The following ASTE1 variants were observed in gnomAD, a reference collection of about 807,000 sequenced individuals.
ASTE1 encodes asteroid structure-specific endonuclease 1.
In ASTE1, 49 loss-of-function variants were observed where a neutral mutation model predicts 45.8. The observed-to-expected ratio is 1.07, with a 90% CI of 0.85 to 1.36. ASTE1 has a LOEUF of 1.36. Among genes scored for constraint, ASTE1 ranks in the 40% most tolerant of loss-of-function variants. The pLI, the probability that ASTE1 is intolerant of heterozygous loss-of-function variation, is 0.00. For missense variants in ASTE1, 709 were observed against 804.0 expected (o/e 0.88, Z 1.43); for synonymous variants, 296 against 303.9 (o/e 0.97, Z 0.27).
In ASTE1 at chr3:131,016,424, TAAAG is replaced by T. The variant is rs1316142080; in HGVS notation, c.1514-89_1514-86del. Reference sequence around the variant, plus strand: ...TTCTCCACATATACTACAAATTCTATAAAGAAAGAAATTAATTTAAAAAAACTAA... The same window carrying T: ...TTCTCCACATATACTACAAATTCTATAAAGAAATTAATTTAAAAAAACTAA... On this transcript the variant is annotated intron_variant, in intron 4 of 5. Coordinates refer to ENST00000264992, the MANE Select transcript of ASTE1 (RefSeq NM_014065.4). The T allele has an allele frequency of 1.2e-5, 17 of 1,421,934 alleles. No individual in the cohort carries two copies. In the South Asian group the frequency reaches 1.6e-4, roughly 13 times the overall value. The allele number at this position is 1,421,934 out of a possible 1,614,324, so 88.1% of individuals were successfully genotyped here.
chr3:131,019,677 T>C (rs538624121), intron 3 of ASTE1, among the ~76,000 whole-genome samples: 10 of 152,342 alleles, frequency 6.6e-5, no homozygotes, highest in African/African-American at 1.9e-4. Flanking sequence ...AAAAAGATTT[T>C]CTGCTTTCTG....
chr3:131,015,088 G>T, intron 5 of ASTE1: 1 of 542,040 alleles, frequency 1.8e-6, no homozygotes. Context: ...AAAGAATCCA[G>T]GGGTCAAAGG....
At chr3:131,017,168 A>G (rs2063660283) in intron 4 of ASTE1, 1 of 612,018 alleles carries the variant, frequency 1.6e-6, no homozygotes, top group African/African-American at 2.0e-5. Context: ...CAGAGGAAAT[A>G]CTCTAAACCT....
chr3:131,014,260 A>C lies in ASTE1; in HGVS notation c.1837T>G (p.Ser613Ala). 1 of 1,612,604 alleles carries C rather than the reference A, an allele frequency of 6.2e-7. No individual in the cohort carries two copies. Among genetic ancestry groups the C allele is most frequent in the Non-Finnish European group, 8.5e-7 (1 of 1,179,672 alleles). ...LYEYLFNATR[S>A]YAPAEIFLPK... ...AGGAATATTTCAGCGGGGGCATATGACCTTGTGGCATTGAATAGATATTCA... is the reference window on the plus strand; with the variant it reads ...AGGAATATTTCAGCGGGGGCATATGCCCTTGTGGCATTGAATAGATATTCA... The change falls in exon 6 of 6, where the codon TCA becomes GCA. Residue 613 changes from serine (S) to alanine (A), a missense_variant. Ser to Ala is a moderately conservative substitution (Grantham distance 99). Coordinates refer to ENST00000264992, the MANE Select transcript of ASTE1 (RefSeq NM_014065.4).
rs747853376 is a variant in ASTE1 at position 131,024,136 on chromosome 3, A to G, written c.1171T>C (p.Ser391Pro). The G allele has an allele frequency of 3.1e-6, 5 of 1,614,060 alleles. No individual in the cohort carries two copies. In the African/African-American group the frequency reaches 6.7e-5, roughly 22 times the overall value. ...GGCTGAGGAGGCAATGCATTCCAGG[A>G]TGTCTTGTCCAGATGTGGTGAGGCA... Reference protein sequence around the residue: ...LNASPHLDKTSWNALPPQPLA... With the variant: ...LNASPHLDKTPWNALPPQPLA... Residue 391 changes from serine to proline, a missense_variant, in exon 3 of 6, where the codon TCC becomes CCC. By Grantham distance (74) the Ser-to-Pro change is moderately conservative. Coordinates refer to ENST00000264992, the MANE Select transcript of ASTE1 (RefSeq NM_014065.4).
intron 3 of ASTE1, among the ~76,000 whole-genome samples, chr3:131,021,186 T>C (rs186967241): frequency 2.0e-5 from 3 of 152,286 alleles, no homozygotes; most frequent in East Asian, 1.9e-4. Flanking sequence ...CTATTCACAA[T>C]ATGTTATTTG....
rs760207926 is a variant in ASTE1, at chr3:131,014,105, T to C, written c.1992A>G (p.Leu664=). The change falls in exon 6 of 6, where the codon TTA becomes TTG. Residue 664 remains leucine (L), a synonymous_variant. Transcript: ENST00000264992. ...TATGTTCCTCTAAGTTTTCAACCAT[T>C]AACAACCCAAACCGGTTGTTTCCCT... The part of the protein sequence containing the change: ...WYEGNNRFGL[L]MVENLEEHSE... 2 of 1,606,238 alleles carry C rather than the reference T, an allele frequency of 1.2e-6. No homozygotes were observed. Among genetic ancestry groups the C allele is most frequent in the Admixed American group, 3.4e-5 (2 of 58,250 alleles).
intron 5 of ASTE1, chr3:131,015,294 A>C (rs924261267): frequency 2.0e-5 from 14 of 689,290 alleles, no homozygotes; most frequent in African/African-American, 3.5e-5. Flanking sequence ...CCCTCCCCCC[A>C]CAGAGTTTAC....
chr3:131,025,121 T>C lies in ASTE1; in HGVS notation c.186A>G (p.Lys62=), dbSNP rs148804135. 4.0e-5 allele frequency: 65 copies of C among 1,614,220 alleles called. No homozygotes were observed. The African/African-American group carries it at 7.6e-4, about 19-fold the overall frequency. ...DYDSFADVVQ[K]FFESLFACNI... ...TACAAGCAAACAGTGATTCAAAGAA[T>C]TTTTGTACAACATCTGCAAAAGAAT... is the stretch of plus-strand genomic sequence containing the variant. Residue 62 remains lysine (K), a synonymous_variant, in exon 3 of 6, where the codon AAA becomes AAG. Coordinates refer to ENST00000264992, the MANE Select transcript of ASTE1 (RefSeq NM_014065.4).
intron 5 of ASTE1, 112 bp from the exon 6 acceptor site, chr3:131,014,499 C>T: frequency 2.0e-6 from 2 of 987,246 alleles, no homozygotes; most frequent in Non-Finnish European, 2.9e-6. Flanking sequence ...GCTCTTATTG[C>T]TCTATAATAT....
At chr3:131,015,182 C>T in intron 5 of ASTE1, 1 of 701,256 alleles carries the variant, frequency 1.4e-6, no homozygotes, top group Non-Finnish European at 2.6e-6. Flanking sequence ...GGCTTTTTAC[C>T]TTGAAACATG....
At chr3:131,023,211 G>GTGAGTTTTGTGAGAC (rs1325416571) in intron 3 of ASTE1, among the ~76,000 whole-genome samples, 1 of 152,110 alleles carries the variant, frequency 6.6e-6, no homozygotes, top group East Asian at 1.9e-4. Context: ...CGTGTGGTCT[G>GTGAGTTTTGTGAGAC]TGAGTTTTGT....
Position 131,014,356 on chromosome 3 carries a change from A to G in ASTE1, c.1741T>C (p.Cys581Arg), listed in dbSNP as rs145482328. 1.9e-6 allele frequency: 3 copies of G among 1,609,350 alleles called. No homozygotes were observed. Among genetic ancestry groups the G allele is most frequent in the African/African-American group, 1.3e-5 (1 of 74,616 alleles). Residue 581 changes from cysteine (C) to arginine (R), a missense_variant, in exon 6 of 6, where the codon TGC becomes CGC. By Grantham distance (180) the Cys-to-Arg change is radical (BLOSUM62 -3). Coordinates refer to ENST00000264992, the MANE Select transcript of ASTE1 (RefSeq NM_014065.4). ...LYSGSLVHGL[C>R]QQLLASTSVE... ...GAGGTCGATGCTAGCAGTTGCTGGC[A>G]TAGTCCGTGCACCAGGCTTCCACTG...
intron 3 of ASTE1, 147 bp downstream of exon 3, chr3:131,023,858 A>T: frequency 1.2e-6 from 1 of 811,998 alleles, no homozygotes; most frequent in Non-Finnish European, 1.8e-6. Flanking sequence ...TAGTTCACTC[A>T]AGTTCTAGAT....
At position 131,024,921 on chromosome 3, in the gene ASTE1, T is replaced by C. The variant is rs2063792539; in HGVS notation, c.386A>G (p.Lys129Arg). The change falls in exon 3 of 6, where the codon AAG (lysine) becomes AGG (arginine). Residue 129 changes from lysine to arginine, a missense_variant. Coordinates refer to ENST00000264992, the MANE Select transcript of ASTE1 (RefSeq NM_014065.4). Reference protein sequence around the residue: ...IREVFIQVLIKLRVCFVQCFS... With the variant: ...IREVFIQVLIRLRVCFVQCFS... ...GCACTGGACAAAACACACCCGCAGC[T>C]TGATCAAAACCTGTATGAATACTTC... The C allele has an allele frequency of 1.2e-6, 2 of 1,614,054 alleles. No individual in the cohort carries two copies. The highest frequency in any genetic ancestry group is 1.7e-6 in the Non-Finnish European group (2 of 1,179,958).
chr3:131,024,203 T>C lies in ASTE1; in HGVS notation c.1104A>G (p.Ile368Met), dbSNP rs1577112234. Residue 368 changes from isoleucine to methionine, a missense_variant, in exon 3 of 6, where the codon ATA (isoleucine) becomes ATG (methionine). Ile to Met is a conservative substitution (Grantham distance 10, BLOSUM62 1). Transcript: ENST00000264992. ...AGATGATTTGCCTGATGGGCTGAGA[T>C]ATTCTGTGGGCATTTGGTTGCTGCA... is the stretch of plus-strand genomic sequence containing the variant. ...ENMQQPNAHR[I>M]SQPIRQIIYG... 6.2e-7 allele frequency: 1 copy of C among 1,614,198 alleles called. No homozygotes were observed. Among genetic ancestry groups the C allele is most frequent in the East Asian group, 2.2e-5 (1 of 44,888 alleles).
chr3:131,020,565 A>C (rs2063729448), intron 3 of ASTE1, among the ~76,000 whole-genome samples: 1 of 146,206 alleles, frequency 6.8e-6, no homozygotes, highest in African/African-American at 2.5e-5. Context: ...TGGGAATTAA[A>C]TGAGAGACTA....
rs762484500 is a variant in ASTE1, at chr3:131,024,060, A to AT, written c.1246dup (p.Ile416AsnfsTer3). On this transcript the variant is annotated frameshift_variant, in exon 3 of 6. Transcript: ENST00000264992. LOFTEE classifies it high-confidence loss of function. ...CTTGGCCAGTTCTACTGCATCAATG[A>AT]TTGAGGTTCTGATATTTTTATTAAT... 6.2e-7 allele frequency: 1 copy of AT among 1,613,832 alleles called. No individual in the cohort carries two copies. Among genetic ancestry groups the AT allele is most frequent in the East Asian group, 2.2e-5 (1 of 44,872 alleles).
At position 131,025,289 on chromosome 3, in the gene ASTE1, T is replaced by G. The variant is rs778740515; in HGVS notation, c.18A>C (p.Leu6=). 64 of 1,613,158 alleles carry G rather than the reference T, an allele frequency of 4.0e-5. No individual in the cohort carries two copies. The highest frequency in any genetic ancestry group is 5.3e-5 in the Non-Finnish European group (62 of 1,179,336). MGIRG[L]MSFVEDHSNE... ...TACTATGATCTTCCACAAAACTCATTAGTCCTCGGATACCCATGATGACAG... is the reference window on the plus strand; with the variant it reads ...TACTATGATCTTCCACAAAACTCATGAGTCCTCGGATACCCATGATGACAG... Residue 6 remains leucine (L), a synonymous_variant, in exon 3 of 6, where the codon CTA becomes CTC. Transcript: ENST00000264992.
Sources: allele counts gnomAD v4.1 joint callset (sites outside exome capture counted in the v4.1 genomes callset), GRCh38; gene constraint gnomAD v4.1.1; transcripts MANE v1.5; gene names NCBI Gene and HGNC (gene_info 2026-07-23, HGNC 2026-07-21).